Variants in SIAE observed in about 807,000 individuals in gnomAD.
The protein encoded by SIAE is sialate O-acetylesterase.
A neutral mutation model predicts 52.6 loss-of-function variants in SIAE; 39 were observed. The observed-to-expected ratio is 0.74, with a 90% CI of 0.57 to 0.97. The LOEUF is 0.97. Ranked by LOEUF, SIAE falls within the 50% of genes least tolerant of loss-of-function variation. The pLI, the probability that SIAE is intolerant of heterozygous loss-of-function variation, is 0.00. For synonymous variants in SIAE, 233 were observed against 241.4 expected (o/e 0.97, Z 0.32); for missense variants, 592 against 662.1 (o/e 0.89, Z 1.16).
Position 124,636,831 on chromosome 11 carries a change from A to C in SIAE, c.*120T>G, listed in dbSNP as rs1164468657. The stretch of plus-strand genomic sequence containing the variant: ...TAGAAACAGCCATGTGCTAGCTGAA[A>C]GCCATTCAATGAGGCTTTCTATTAA... On this transcript the variant is annotated 3_prime_UTR_variant, in exon 10 of 10. Transcript: ENST00000263593. 7.1e-7 allele frequency: 1 copy of C among 1,401,400 alleles called. No individual in the cohort carries two copies. The highest frequency in any genetic ancestry group is 2.3e-5 in the East Asian group (1 of 43,778). The allele number at this position is 1,401,400 out of a possible 1,614,324, so 86.8% of individuals were successfully genotyped here.
At chr11:124,660,562 T>C in intron 3 of SIAE, 66 bp downstream of exon 3, 1 of 1,561,310 alleles carries the variant, frequency 6.4e-7, no homozygotes, top group Non-Finnish European at 8.8e-7. Context: ...GTTGCCCCCT[T>C]ATTCCTCCTT....
chr11:124,638,395 C>T (rs1942786000), intron 9 of SIAE, 147 bp downstream of exon 9: 3 of 806,858 alleles, frequency 3.7e-6, no homozygotes, highest in East Asian at 5.3e-5. Flanking sequence ...GAATTAACAG[C>T]TGTTTATTTG....
Position 124,649,724 on chromosome 11 carries a change from G to C in SIAE, c.617C>G (p.Thr206Ser), listed in dbSNP as rs146387036. Residue 206 changes from threonine to serine, a missense_variant, in exon 5 of 10, where the codon ACT (threonine) becomes AGT (serine). Transcript: ENST00000263593. The part of the protein sequence containing the change: ...CWLFGRHLYD[T>S]LQYPIGLIAS... ...GATCAGCCCGATGGGATACTGCAGA[G>C]TGTCATAAAGGTGACGTCCAAAGAG... is the stretch of plus-strand genomic sequence containing the variant. The C allele has an allele frequency of 6.2e-7, 1 of 1,614,210 alleles. No homozygotes were observed. Among genetic ancestry groups the C allele is most frequent in the Non-Finnish European group, 8.5e-7 (1 of 1,180,040 alleles).
At chr11:124,661,024 C>CA (rs1337845350) in intron 2 of SIAE, among the ~76,000 whole-genome samples, 1 of 151,724 alleles carries the variant, frequency 6.6e-6, no homozygotes, top group Non-Finnish European at 1.5e-5. Flanking sequence ...GAAGCATTTA[C>CA]AAAAAAAGTA....
Position 124,657,559 on chromosome 11 carries a change from A to T in SIAE, c.406-2766T>A, listed in dbSNP as rs546339374. The stretch of plus-strand genomic sequence containing the variant: ...AGACCCGTTGCTAACACTGTAGAGT[A>T]CTGTGAGGCCAATAGAGTCAGAATG... On this transcript the variant is annotated intron_variant, in intron 3 of 9. Transcript: ENST00000263593. Among the ~76,000 whole-genome samples the T allele has an allele frequency of 2.0e-5, 3 of 152,390 alleles. No individual in the cohort carries two copies. The South Asian group carries it at 6.2e-4, about 32-fold the overall frequency.
intron 4 of SIAE, among the ~76,000 whole-genome samples, chr11:124,652,691 C>CAA (rs57632780): frequency 3.3e-4 from 24 of 72,874 alleles, no homozygotes; most frequent in African/African-American, 6.2e-4. Flanking sequence ...GAGACTCGGT[C>CAA]AAAAAAAAAA....
rs117885886 is a variant in SIAE, at chr11:124,669,315, G to A, written c.229+45C>T. ...CATTCATTTTCAGATAATCCAGCAG[G>A]TGGCAGAAGAGGGCAATAGCTGAAC... On this transcript the variant is annotated intron_variant, in intron 2 of 9. Coordinates refer to ENST00000263593, the MANE Select transcript of SIAE (RefSeq NM_170601.5). 13,770 of 1,609,466 alleles carry A rather than the reference G, an allele frequency of 8.6e-3. 63 individuals carry two copies. Among genetic ancestry groups the A allele is most frequent in the Non-Finnish European group, 0.01 (12,094 of 1,175,814 alleles).
intron 3 of SIAE, among the ~76,000 whole-genome samples, chr11:124,655,159 A>G (rs1274423262): frequency 6.6e-6 from 1 of 150,400 alleles, no homozygotes; most frequent in Non-Finnish European, 1.5e-5. Flanking sequence ...ACAAAACCAG[A>G]CCAATTAACT....
chr11:124,643,451 G>A (rs1024458377), intron 7 of SIAE, among the ~76,000 whole-genome samples: 1 of 152,186 alleles, frequency 6.6e-6, no homozygotes, highest in Non-Finnish European at 1.5e-5. Flanking sequence ...GGTAAAAGCA[G>A]GAAGAAGACC....
chr11:124,647,118 T>C (rs910875211), intron 7 of SIAE, among the ~76,000 whole-genome samples: 8 of 152,250 alleles, frequency 5.3e-5, no homozygotes, highest in African/African-American at 1.4e-4. Context: ...ACTGTAATGC[T>C]TTTTAAATAA....
chr11:124,675,721 A>T (rs1460188888), upstream of SIAE: 1 of 244,150 alleles, frequency 4.1e-6, no homozygotes, highest in African/African-American at 2.3e-5. Flanking sequence ...AGTGGGGGAA[A>T]AAAAGATCAT....
chr11:124,639,792 C>G lies in SIAE; in HGVS notation c.1042G>C (p.Gly348Arg), dbSNP rs377298089. 2 of 1,614,188 alleles carry G rather than the reference C, an allele frequency of 1.2e-6. No individual in the cohort carries two copies. The highest frequency in any genetic ancestry group is 1.7e-6 in the Non-Finnish European group (2 of 1,180,030). Residue 348 changes from glycine to arginine, a missense_variant, in exon 8 of 10, where the codon GGC (glycine) becomes CGC (arginine). Coordinates refer to ENST00000263593, the MANE Select transcript of SIAE (RefSeq NM_170601.5). ...GGCATCTTTGGGTTGGGGACATAGC[C>G]GAAGTCTGCTGTTTGATGCCAACGG... is the stretch of plus-strand genomic sequence containing the variant. ...QIRWHQTADFGYVPNPKMPNT... is the reference protein window; with the variant it reads ...QIRWHQTADFRYVPNPKMPNT...
chr11:124,643,934 T>C (rs1338845154), intron 7 of SIAE, among the ~76,000 whole-genome samples: 2 of 151,232 alleles, frequency 1.3e-5, no homozygotes, highest in Admixed American at 6.6e-5. Context: ...CCCAGCCTTA[T>C]TACTCACAGC....
upstream of SIAE, chr11:124,675,333 G>A (rs1042283572): frequency 6.2e-7 from 1 of 1,614,208 alleles, no homozygotes; most frequent in South Asian, 1.1e-5. Flanking sequence ...TTGAAGGGCT[G>A]ACACGCGAGA....
At chr11:124,666,042 C>T (rs765645994) in intron 2 of SIAE, among the ~76,000 whole-genome samples, 7 of 152,132 alleles carry the variant, frequency 4.6e-5, no homozygotes, top group African/African-American at 1.2e-4. Context: ...TTTCCCTGCT[C>T]GTATTCCTTG....
rs779900085 is a variant in SIAE, at chr11:124,637,039, T to TA, written c.1483dup (p.Tyr495LeufsTer5). 3.7e-6 allele frequency: 6 copies of TA among 1,614,076 alleles called. No individual in the cohort carries two copies. In the Admixed American group the frequency reaches 1.0e-4, roughly 27 times the overall value. On this transcript the variant is annotated frameshift_variant, in exon 10 of 10. Transcript: ENST00000263593. LOFTEE classifies it low-confidence loss of function (END_TRUNC). ...GGCTGGCAGGGCACTACTGGGGTGGTATAGGGGACACTGCTTATATTCACA... is the reference window on the plus strand; with the variant it reads ...GGCTGGCAGGGCACTACTGGGGTGGTAATAGGGGACACTGCTTATATTCACA...
At chr11:124,641,491 T>C (rs1217423788) in intron 7 of SIAE, among the ~76,000 whole-genome samples, 2 of 152,246 alleles carry the variant, frequency 1.3e-5, no homozygotes, top group African/African-American at 2.4e-5. Flanking sequence ...AAAGAACCTC[T>C]GTAGAGGTGA....
intron 3 of SIAE, among the ~76,000 whole-genome samples, chr11:124,656,167 C>T (rs1187945802): frequency 6.6e-6 from 1 of 152,188 alleles, no homozygotes; most frequent in African/African-American, 2.4e-5. Flanking sequence ...ATCTGAAACA[C>T]TTCCAATCTC....
intron 3 of SIAE, chr11:124,660,424 T>C: frequency 1.5e-6 from 1 of 666,328 alleles, no homozygotes; most frequent in Non-Finnish European, 2.8e-6. Flanking sequence ...CACCAATCAA[T>C]AACTACCAAT....
Sources: allele counts gnomAD v4.1 joint callset (sites outside exome capture counted in the v4.1 genomes callset), GRCh38; gene constraint gnomAD v4.1.1; transcripts MANE v1.5; gene names NCBI Gene and HGNC (gene_info 2026-07-23, HGNC 2026-07-21).